The following VPS35L variants were observed in gnomAD, a reference collection of about 807,000 sequenced individuals.
VPS35L encodes the protein VPS35 endosomal protein-sorting factor-like.
A neutral mutation model predicts 133.0 loss-of-function variants in VPS35L; 83 were observed. That is an observed-to-expected ratio of 0.62 (90% CI 0.52 to 0.75). The LOEUF is 0.75. Ranked by LOEUF, VPS35L falls within the 30% of genes least tolerant of loss-of-function variation. The probability of loss-of-function intolerance (pLI) is 0.00; values close to 1 mark genes in which losing one functional copy is unlikely to be tolerated. For synonymous variants in VPS35L, 423 were observed against 449.9 expected (o/e 0.94, Z 0.76); for missense variants, 1,083 against 1,206.8 (o/e 0.90, Z 1.52).
At chr16:19,568,938 C>T (rs533368762) in intron 2 of VPS35L, among the ~76,000 whole-genome samples, 1 of 152,156 alleles carries the variant, frequency 6.6e-6, no homozygotes, top group African/African-American at 2.4e-5. Flanking sequence ...AGCCACTGCA[C>T]CCAGTAGAAA....
chr16:19,660,037 G>A (rs899405272), intron 26 of VPS35L, among the ~76,000 whole-genome samples: 3 of 152,026 alleles, frequency 2.0e-5, no homozygotes, highest in Non-Finnish European at 4.4e-5. Context: ...AAGAACTTAC[G>A]ATTTTTGGCC....
intron 27 of VPS35L, among the ~76,000 whole-genome samples, chr16:19,672,890 T>G (rs1313748345): frequency 6.6e-6 from 1 of 152,122 alleles, no homozygotes; most frequent in Non-Finnish European, 1.5e-5. Context: ...AATTAAGCAG[T>G]TGGTAAAAGT....
Position 19,642,386 on chromosome 16 carries a change from TG to T in VPS35L, c.1785-9del, listed in dbSNP as rs150777929. ...CAAAACTTTGACTTTTATCTTTAAA[TG>T]TCTCCTAGGCATCAACAAGAGCCCA... On this transcript the variant is annotated splice_polypyrimidine_tract_variant and intron_variant, in intron 21 of 30. Coordinates refer to ENST00000417362, the MANE Select transcript of VPS35L (RefSeq NM_020314.7). 0.014 allele frequency: 21,932 copies of T among 1,611,668 alleles called. 302 individuals carry two copies. Among genetic ancestry groups the T allele is most frequent in the African/African-American group, 0.057 (4,285 of 74,942 alleles).
At chr16:19,609,195 CA>C (rs1972629690) in intron 11 of VPS35L, among the ~76,000 whole-genome samples, 174 bp downstream of exon 11, 1 of 152,194 alleles carries the variant, frequency 6.6e-6, no homozygotes, top group African/African-American at 2.4e-5. Flanking sequence ...GAAGTAGAGA[CA>C]CCATCCTAAT....
intron 3 of VPS35L, 66 bp downstream of exon 3, chr16:19,569,657 T>A: frequency 7.0e-7 from 1 of 1,421,014 alleles, no homozygotes; most frequent in Non-Finnish European, 9.3e-7. Flanking sequence ...TGGGTGGTTT[T>A]CTTGTGCCCT....
chr16:19,661,393 C>T (rs1974481847), intron 26 of VPS35L, among the ~76,000 whole-genome samples: 1 of 152,082 alleles, frequency 6.6e-6, no homozygotes, highest in Non-Finnish European at 1.5e-5. Context: ...GACAGTTGCC[C>T]AATTGGTATT....
chr16:19,623,766 T>TTTTTTA (rs1442235685), intron 14 of VPS35L, among the ~76,000 whole-genome samples: 65 of 126,840 alleles, frequency 5.1e-4, no homozygotes, highest in African/African-American at 1.5e-3. Flanking sequence ...TACTTATTTA[T>TTTTTTA]TTATTATTAT....
intron 8 of VPS35L, among the ~76,000 whole-genome samples, chr16:19,600,666 G>T (rs1171055366): frequency 6.6e-6 from 1 of 152,206 alleles, no homozygotes. Flanking sequence ...TGCCTTTGTG[G>T]AGCTTGCATT....
chr16:19,572,212 A>G (rs1971404785), intron 3 of VPS35L, among the ~76,000 whole-genome samples: 2 of 152,118 alleles, frequency 1.3e-5, no homozygotes, highest in Non-Finnish European at 2.9e-5. Context: ...GAGGTCAGGA[A>G]TTCGAGACCA....
intron 14 of VPS35L, among the ~76,000 whole-genome samples, chr16:19,624,167 G>A (rs1169799872): frequency 1.4e-5 from 2 of 138,396 alleles, no homozygotes; most frequent in East Asian, 2.2e-4. Context: ...CCAGGCTGGA[G>A]TTCAGTGGCA....
At chr16:19,627,323 T>C (rs536792381) in intron 15 of VPS35L, among the ~76,000 whole-genome samples, 1 of 151,702 alleles carries the variant, frequency 6.6e-6, no homozygotes, top group East Asian at 1.9e-4. Context: ...GCATAAACGA[T>C]GTGGATATAT....
In VPS35L at chr16:19,588,149, G is replaced by A. The variant is rs184766793; in HGVS notation, c.640-3641G>A. Among the ~76,000 whole-genome samples, 440 of 127,212 alleles carry A rather than the reference G, an allele frequency of 3.5e-3. 7 individuals are homozygous for A. Among genetic ancestry groups the A allele is most frequent in the Non-Finnish European group, 2.7e-3 (170 of 62,414 alleles). The allele number at this position is 127,212 out of a possible 152,430, so 83.5% of individuals were successfully genotyped here. A position where few individuals can be genotyped will look rare whatever the true frequency, so the allele number is the denominator to read the frequency against. ...TGGCATTATAGCAAGTTTGAAACTG[G>A]GTAATATAAGTATGTATGTATGTAT... On this transcript the variant is annotated intron_variant, in intron 7 of 30. Coordinates refer to ENST00000417362, the MANE Select transcript of VPS35L (RefSeq NM_020314.7).
At chr16:19,557,055 C>G (rs1230950515) in intron 1 of VPS35L, among the ~76,000 whole-genome samples, 1 of 152,082 alleles carries the variant, frequency 6.6e-6, no homozygotes, top group Non-Finnish European at 1.5e-5. Context: ...TCGCTTGAAC[C>G]TGGGAGGCGG....
At chr16:19,629,580 G>A (rs540442919) in intron 17 of VPS35L, among the ~76,000 whole-genome samples, 187 bp from the exon 18 acceptor site, 33 of 152,236 alleles carry the variant, frequency 2.2e-4, no homozygotes, top group African/African-American at 6.7e-4. Flanking sequence ...ATAACAGTTC[G>A]TAAGATTTAG....
At chr16:19,654,654 T>A (rs936257383) in intron 26 of VPS35L, among the ~76,000 whole-genome samples, 4 of 152,152 alleles carry the variant, frequency 2.6e-5, no homozygotes, top group African/African-American at 9.7e-5. Context: ...TAGAAGACGC[T>A]TCCTTGGATA....
intron 28 of VPS35L, among the ~76,000 whole-genome samples, chr16:19,684,483 G>A (rs989957576): frequency 3.1e-4 from 47 of 152,184 alleles, no homozygotes; most frequent in Admixed American, 3.9e-4. Context: ...GGATAAAGAT[G>A]TAATGCAGGG....
intron 6 of VPS35L, 68 bp from the exon 7 acceptor site, chr16:19,581,457 T>A (rs1455289660): frequency 7.1e-7 from 1 of 1,417,922 alleles, no homozygotes; most frequent in East Asian, 2.6e-5. Flanking sequence ...TACCTAGTAT[T>A]CTTTATAAGG....
At chr16:19,608,762 A>G (rs1013367610) in intron 10 of VPS35L, 2 of 540,438 alleles carry the variant, frequency 3.7e-6, no homozygotes, top group African/African-American at 1.9e-5. Context: ...GAATCAACGT[A>G]TAACATTTCC....
At chr16:19,686,971 A>C (rs759147643) in intron 28 of VPS35L, among the ~76,000 whole-genome samples, 16 of 152,150 alleles carry the variant, frequency 1.1e-4, no homozygotes, top group Non-Finnish European at 2.1e-4. Context: ...ACTGAACTCC[A>C]GCCTGGGCGA....
Sources: gnomAD v4.1 joint callset for allele counts (sites outside exome capture counted in the v4.1 genomes callset) on GRCh38, gnomAD v4.1.1 for gene constraint, MANE v1.5 for transcripts, NCBI Gene and HGNC (gene_info 2026-07-23, HGNC 2026-07-21) for gene names.